The following METAP2 variants were observed in gnomAD, a reference collection of about 807,000 sequenced individuals.
The protein encoded by METAP2 is methionyl aminopeptidase 2.
A neutral mutation model predicts 59.4 loss-of-function variants in METAP2; 25 were observed. The ratio of observed to expected loss-of-function variants is 0.42; its 90% CI spans 0.31 to 0.59. METAP2 has a LOEUF of 0.59. Ranked by LOEUF, METAP2 falls within the 20% of genes least tolerant of loss-of-function variation. The pLI is 0.16. For synonymous variants in METAP2, 214 were observed against 194.1 expected (o/e 1.10, Z -0.85); for missense variants, 366 against 581.2 (o/e 0.63, Z 3.81).
At chr12:95,508,175 C>T (rs1594437731) in intron 8 of METAP2, among the ~76,000 whole-genome samples, 1 of 152,034 alleles carries the variant, frequency 6.6e-6, no homozygotes, top group South Asian at 2.1e-4. Context: ...TTACTATGTT[C>T]CTTAGTAAGG....
chr12:95,476,223 G>A, intron 2 of METAP2, 45 bp downstream of exon 2: 2 of 1,330,146 alleles, frequency 1.5e-6, no homozygotes, highest in Non-Finnish European at 2.1e-6. Flanking sequence ...GCTAGAAAAT[G>A]TAGCCGGGTG....
At chr12:95,496,573 G>C (rs990126852) in intron 7 of METAP2, among the ~76,000 whole-genome samples, 3 of 151,924 alleles carry the variant, frequency 2.0e-5, no homozygotes, top group African/African-American at 7.3e-5. Flanking sequence ...TAACATTAGG[G>C]TTCATTCTTA....
intron 2 of METAP2, among the ~76,000 whole-genome samples, chr12:95,481,428 C>G (rs2076157503): frequency 6.6e-6 from 1 of 152,062 alleles, no homozygotes; most frequent in African/African-American, 2.4e-5. Context: ...CCAAAAAAAC[C>G]AACCATCTCT....
chr12:95,494,809 T>G, intron 5 of METAP2, 148 bp from the exon 6 acceptor site: 1 of 535,404 alleles, frequency 1.9e-6, no homozygotes, highest in South Asian at 4.0e-5. Context: ...AGAACTGTTA[T>G]TTATTTATAT....
intron 2 of METAP2, among the ~76,000 whole-genome samples, chr12:95,477,494 T>C (rs1443861014): frequency 6.6e-6 from 1 of 152,232 alleles, no homozygotes; most frequent in African/African-American, 2.4e-5. Flanking sequence ...TAGCTCCTTC[T>C]GGGTGTTTGG....
intron 8 of METAP2, 129 bp downstream of exon 8, chr12:95,504,290 C>T: frequency 1.6e-6 from 1 of 636,616 alleles, no homozygotes; most frequent in African/African-American, 1.8e-5. Context: ...AAATGACCTG[C>T]TTAGAGCATG....
At chr12:95,490,247 G>A (rs890809277) in intron 4 of METAP2, among the ~76,000 whole-genome samples, 1 of 149,820 alleles carries the variant, frequency 6.7e-6, no homozygotes, top group African/African-American at 2.5e-5. Flanking sequence ...GATTACAGGC[G>A]TGTGCCACCA....
At chr12:95,513,194 T>G in intron 10 of METAP2, among the ~76,000 whole-genome samples, 1 of 151,200 alleles carries the variant, frequency 6.6e-6, no homozygotes. Context: ...TTTGCTAGCA[T>G]TCCTAGGTTT....
intron 1 of METAP2, among the ~76,000 whole-genome samples, chr12:95,474,701 C>T (rs2076104846): frequency 6.6e-6 from 1 of 152,182 alleles, no homozygotes; most frequent in African/African-American, 2.4e-5. Flanking sequence ...CTCAAAAATC[C>T]GATTCTGATC....
At chr12:95,507,893 C>T (rs1201403661) in intron 8 of METAP2, among the ~76,000 whole-genome samples, 1 of 151,680 alleles carries the variant, frequency 6.6e-6, no homozygotes, top group Non-Finnish European at 1.5e-5. Flanking sequence ...GTTCTCCTGC[C>T]TCAGCCTCCC....
At chr12:95,504,341 C>A (rs896339692) in intron 8 of METAP2, among the ~76,000 whole-genome samples, 180 bp downstream of exon 8, 8 of 152,152 alleles carry the variant, frequency 5.3e-5, no homozygotes, top group African/African-American at 1.9e-4. Context: ...TATTGCCAAG[C>A]CACTCTGTTA....
At chr12:95,488,219 G>A (rs1480331253) in intron 4 of METAP2, among the ~76,000 whole-genome samples, 1 of 151,750 alleles carries the variant, frequency 6.6e-6, no homozygotes, top group Admixed American at 6.6e-5. Context: ...CTGAGTTCCG[G>A]CCAGGCATGG....
chr12:95,487,905 C>T (rs139869773), intron 4 of METAP2, among the ~76,000 whole-genome samples: 41 of 152,260 alleles, frequency 2.7e-4, no homozygotes, highest in African/African-American at 9.9e-4. Flanking sequence ...CATTCTTTAG[C>T]TGATGGCCAT....
intron 10 of METAP2, among the ~76,000 whole-genome samples, chr12:95,513,429 C>T (rs183395920): frequency 1.3e-5 from 2 of 152,316 alleles, no homozygotes; most frequent in East Asian, 1.9e-4. Flanking sequence ...CACGTAGACA[C>T]GTAAACATGA....
chr12:95,514,135 G>GA lies in METAP2; in HGVS notation c.*235dup. The GA allele has an allele frequency of 2.0e-6, 1 of 512,310 alleles. No homozygotes were observed. Among genetic ancestry groups the GA allele is most frequent in the Non-Finnish European group, 3.4e-6 (1 of 298,124 alleles). 31.7% of individuals were successfully genotyped at this position (512,310 alleles called of 1,614,324 possible). ...AACTGTTTTTCCCCTTCCTGTCTAG[G>GA]AAAATGCTATAAAGCTCAAATTAGT... On this transcript the variant is annotated 3_prime_UTR_variant, in exon 11 of 11. Coordinates refer to ENST00000323666, the MANE Select transcript of METAP2 (RefSeq NM_006838.4).
intron 8 of METAP2, among the ~76,000 whole-genome samples, chr12:95,508,949 A>T (rs980184975): frequency 7.7e-6 from 1 of 130,172 alleles, no homozygotes; most frequent in African/African-American, 3.2e-5. Context: ...TGGAAAAATC[A>T]TGATAATAGG....
chr12:95,488,116 C>T (rs1594418358), intron 4 of METAP2, among the ~76,000 whole-genome samples: 1 of 151,990 alleles, frequency 6.6e-6, no homozygotes, highest in African/African-American at 2.4e-5. Flanking sequence ...TTAGTGATTT[C>T]GAGCATCTTT....
chr12:95,509,011 A>G (rs2076382176), intron 8 of METAP2, among the ~76,000 whole-genome samples: 1 of 152,216 alleles, frequency 6.6e-6, no homozygotes, highest in Admixed American at 6.5e-5. Context: ...ATCAAAACAC[A>G]TAGCACAAAC....
intron 2 of METAP2, among the ~76,000 whole-genome samples, chr12:95,481,114 A>G (rs1400014853): frequency 6.6e-6 from 1 of 152,202 alleles, no homozygotes; most frequent in Non-Finnish European, 1.5e-5. Flanking sequence ...TGATTTGGGC[A>G]TAGTAGTAAC....
Sources: allele counts gnomAD v4.1 joint callset (sites outside exome capture counted in the v4.1 genomes callset), GRCh38; gene constraint gnomAD v4.1.1; transcripts MANE v1.5; gene names NCBI Gene and HGNC (gene_info 2026-07-23, HGNC 2026-07-21).